DLGAP2: variants seen among roughly 807,000 people sequenced by gnomAD.
DLGAP2 encodes DLG associated protein 2.
DLGAP2 carries 26 observed loss-of-function variants against 100.3 expected under a neutral mutation model. That is an observed-to-expected ratio of 0.26 (90% CI 0.19 to 0.36). The LOEUF (loss-of-function observed/expected upper bound fraction) is 0.36, where lower values mean the gene tolerates loss of function less well. Among genes scored for constraint, DLGAP2 ranks in the 10% least tolerant of loss-of-function variants. The probability of loss-of-function intolerance (pLI) is 1.00; values close to 1 mark genes in which losing one functional copy is unlikely to be tolerated. For synonymous variants in DLGAP2, 886 were observed against 630.1 expected (o/e 1.41, Z -6.08); for missense variants, 1,858 against 1,453.2 (o/e 1.28, Z -4.53).
intron 4 of DLGAP2, among the ~76,000 whole-genome samples, chr8:1,523,529 C>G (rs914801221): frequency 8.5e-5 from 13 of 152,208 alleles, no homozygotes; most frequent in African/African-American, 3.1e-4. Context: ...GGAAGGACTC[C>G]CTGCCCCAGG....
At chr8:1,545,338 A>G (rs1284402330) in intron 4 of DLGAP2, among the ~76,000 whole-genome samples, 1 of 152,210 alleles carries the variant, frequency 6.6e-6, no homozygotes, top group African/African-American at 2.4e-5. Flanking sequence ...TTATACTTAC[A>G]ATATGCTATT....
chr8:945,482 C>T (rs549770449), intron 2 of DLGAP2, among the ~76,000 whole-genome samples: 1 of 152,202 alleles, frequency 6.6e-6, no homozygotes, highest in Non-Finnish European at 1.5e-5. Context: ...GCTAGAAATA[C>T]TAAACTCACG....
chr8:1,543,582 C>T (rs1468856623), intron 4 of DLGAP2, among the ~76,000 whole-genome samples: 1 of 152,196 alleles, frequency 6.6e-6, no homozygotes, highest in East Asian at 1.9e-4. Flanking sequence ...ATTACTATCA[C>T]TTTGTGACTC....
chr8:1,077,470 G>C (rs1373999313), intron 2 of DLGAP2, among the ~76,000 whole-genome samples: 2 of 152,152 alleles, frequency 1.3e-5, no homozygotes, highest in Admixed American at 6.5e-5. Context: ...TCCTATTCTT[G>C]CTGCCACTGA....
chr8:1,089,161 C>T (rs940854321), intron 2 of DLGAP2, among the ~76,000 whole-genome samples: 13 of 151,638 alleles, frequency 8.6e-5, no homozygotes, highest in Admixed American at 3.3e-4. Context: ...TCTCGCTCCC[C>T]GGCCTCACTC....
intron 3 of DLGAP2, among the ~76,000 whole-genome samples, chr8:1,439,216 A>T (rs1167571954): frequency 6.6e-6 from 1 of 152,196 alleles, no homozygotes; most frequent in African/African-American, 2.4e-5. Context: ...CTCCAGAGGC[A>T]GGAGCATGGT....
intron 3 of DLGAP2, among the ~76,000 whole-genome samples, chr8:1,365,653 C>G (rs1188281127): frequency 6.6e-6 from 1 of 152,218 alleles, no homozygotes; most frequent in Non-Finnish European, 1.5e-5. Flanking sequence ...AACCAAGCAT[C>G]CAAGTGTGCC....
At chr8:741,053 A>G (rs976549249) in intron 1 of DLGAP2, among the ~76,000 whole-genome samples, 6 of 152,364 alleles carry the variant, frequency 3.9e-5, no homozygotes, top group Admixed American at 3.3e-4. Context: ...AATCAACCGT[A>G]GTTTTACCAA....
At chr8:1,251,181 C>T (rs1375771069) in intron 2 of DLGAP2, among the ~76,000 whole-genome samples, 1 of 152,180 alleles carries the variant, frequency 6.6e-6, no homozygotes, top group Non-Finnish European at 1.5e-5. Context: ...GAACTAACTT[C>T]TAAAAATTTA....
chr8:1,501,026 C>G (rs1167023135), intron 3 of DLGAP2, among the ~76,000 whole-genome samples: 4 of 152,074 alleles, frequency 2.6e-5, no homozygotes, highest in Non-Finnish European at 4.4e-5. Flanking sequence ...TTAGAGTGGA[C>G]TGATTTTACT....
At chr8:1,436,195 C>T (rs562176555) in intron 3 of DLGAP2, among the ~76,000 whole-genome samples, 1 of 152,264 alleles carries the variant, frequency 6.6e-6, no homozygotes, top group East Asian at 1.9e-4. Flanking sequence ...AGTCCGAGGC[C>T]CAAAACCTCA....
chr8:1,308,346 T>C (rs754659183), intron 3 of DLGAP2, among the ~76,000 whole-genome samples: 2 of 152,138 alleles, frequency 1.3e-5, no homozygotes, highest in African/African-American at 4.8e-5. Flanking sequence ...AAAAATAGTT[T>C]GGAAAGTCAC....
chr8:1,123,258 A>G (rs28414803), intron 2 of DLGAP2, among the ~76,000 whole-genome samples: 33,603 of 152,184 alleles, frequency 0.22, 4,321 homozygotes, highest in Admixed American at 0.3. Flanking sequence ...AAAGCAAAGA[A>G]TAATGAAAAA....
At chr8:1,278,739 A>G (rs559088258) in intron 3 of DLGAP2, among the ~76,000 whole-genome samples, 2 of 152,144 alleles carry the variant, frequency 1.3e-5, no homozygotes, top group East Asian at 1.9e-4. Flanking sequence ...CATTTGATAA[A>G]TGAATTACAT....
intron 2 of DLGAP2, among the ~76,000 whole-genome samples, chr8:1,232,498 C>T (rs964581496): frequency 5.3e-5 from 8 of 152,354 alleles, no homozygotes; most frequent in South Asian, 2.1e-4. Flanking sequence ...TCGAACCTCA[C>T]GTCAACTCCT....
In DLGAP2 at chr8:1,476,377, T is replaced by A. The variant is rs550802632; in HGVS notation, c.107-24989T>A. 4.8e-4 allele frequency among the ~76,000 whole-genome samples: 73 copies of A among 152,166 alleles called. 1 individual carries two copies. Among genetic ancestry groups the A allele is most frequent in the African/African-American group, 1.6e-3 (68 of 41,472 alleles). On this transcript the variant is annotated intron_variant, in intron 3 of 14. Coordinates refer to ENST00000637795, the MANE Select transcript of DLGAP2 (RefSeq NM_001346810.2). ...ATTCTCGGCTGCATCACAAAGTAAA[T>A]CTATTCCCATCGCGCCTGTGACTTC...
intron 3 of DLGAP2, among the ~76,000 whole-genome samples, chr8:1,280,888 C>G (rs1303394381): frequency 2.6e-4 from 39 of 152,200 alleles, no homozygotes; most frequent in Admixed American, 2.5e-3. Context: ...TCACATTCAC[C>G]TATTACATGC....
At chr8:1,488,005 T>C (rs1799274000) in intron 3 of DLGAP2, among the ~76,000 whole-genome samples, 1 of 146,514 alleles carries the variant, frequency 6.8e-6, no homozygotes, top group Admixed American at 7.2e-5. Flanking sequence ...AATGATCGCT[T>C]TGAAAGGAGT....
intron 3 of DLGAP2, among the ~76,000 whole-genome samples, chr8:1,361,515 G>T (rs915082813): frequency 1.8e-4 from 27 of 152,218 alleles, no homozygotes; most frequent in African/African-American, 5.1e-4. Context: ...GTCTGGTGCT[G>T]AGAATTGCAT....
Sources: gnomAD v4.1 joint callset for allele counts (sites outside exome capture counted in the v4.1 genomes callset) on GRCh38, gnomAD v4.1.1 for gene constraint, MANE v1.5 for transcripts, NCBI Gene and HGNC (gene_info 2026-07-23, HGNC 2026-07-21) for gene names.